TBK1: variants seen among roughly 807,000 people sequenced by gnomAD.
TBK1 encodes serine/threonine-protein kinase TBK1.
A neutral mutation model predicts 99.9 loss-of-function variants in TBK1; 37 were observed. The observed-to-expected ratio is 0.37, with a 90% CI of 0.28 to 0.49. The LOEUF (loss-of-function observed/expected upper bound fraction) is 0.49, where lower values mean the gene tolerates loss of function less well. TBK1 is among the 20% of genes least tolerant of loss of function. TBK1 has a pLI of 0.98. For missense variants in TBK1, 644 were observed against 872.5 expected (o/e 0.74, Z 3.30); for synonymous variants, 258 against 279.8 (o/e 0.92, Z 0.78).
At chr12:64,499,037 C>CTTTTTTTTTTT (rs763709411) in intron 20 of TBK1, among the ~76,000 whole-genome samples, 1 of 79,256 alleles carries the variant, frequency 1.3e-5, no homozygotes, top group Non-Finnish European at 2.2e-5. Flanking sequence ...TAATTTTATT[C>CTTTTTTTTTTT]TTTTTTTTTT....
At chr12:64,456,938 C>T (rs1459479326) in intron 2 of TBK1, among the ~76,000 whole-genome samples, 1 of 151,354 alleles carries the variant, frequency 6.6e-6, no homozygotes, top group Non-Finnish European at 1.5e-5. Context: ...GATAATTAAA[C>T]TTTCTATTCT....
intron 1 of TBK1, chr12:64,452,520 A>G (rs2040438357): frequency 6.6e-6 from 1 of 152,192 alleles, no homozygotes; most frequent in Non-Finnish European, 1.5e-5. Context: ...CATAAAGAGG[A>G]CGACTCCGTT....
chr12:64,492,108 C>T (rs907890377), intron 13 of TBK1, among the ~76,000 whole-genome samples: 4 of 152,138 alleles, frequency 2.6e-5, no homozygotes, highest in African/African-American at 9.7e-5. Context: ...ATATAGGCAG[C>T]CATATTGCTG....
intron 5 of TBK1, among the ~76,000 whole-genome samples, chr12:64,468,855 C>T (rs1007670428): frequency 1.3e-5 from 2 of 152,082 alleles, no homozygotes; most frequent in Non-Finnish European, 2.9e-5. Flanking sequence ...TGTTCTGTGC[C>T]GTTCCCTGGC....
intron 6 of TBK1, among the ~76,000 whole-genome samples, chr12:64,477,297 G>A (rs76333657): frequency 4.6e-5 from 7 of 152,162 alleles, no homozygotes; most frequent in Admixed American, 1.3e-4. Context: ...CAACCCATGC[G>A]CATGGAATGC....
At chr12:64,454,682 T>TTC (rs2040465923) in intron 1 of TBK1, among the ~76,000 whole-genome samples, 1 of 144,100 alleles carries the variant, frequency 6.9e-6, no homozygotes, top group Non-Finnish European at 1.5e-5. Context: ...CTTTTTTTTT[T>TTC]TTTTTTTTTT....
chr12:64,473,052 G>A (rs1292565612), intron 5 of TBK1, among the ~76,000 whole-genome samples: 1 of 152,150 alleles, frequency 6.6e-6, no homozygotes, highest in East Asian at 1.9e-4. Flanking sequence ...GAGGGATAAG[G>A]CAAAGAAATT....
chr12:64,469,076 C>CT (rs1299218662), intron 5 of TBK1, among the ~76,000 whole-genome samples: 29 of 152,032 alleles, frequency 1.9e-4, no homozygotes, highest in African/African-American at 6.8e-4. Context: ...CTCTGGCTGT[C>CT]TGAGTTGTGA....
Position 64,499,110 on chromosome 12 carries a change from C to G in TBK1, c.2138+1071C>G, listed in dbSNP as rs145970722. Among the ~76,000 whole-genome samples the G allele has an allele frequency of 6.4e-3, 793 of 124,622 alleles. 11 individuals are homozygous for G. The highest frequency in any genetic ancestry group is 0.022 in the African/African-American group (724 of 32,996). 81.8% of individuals were successfully genotyped at this position (124,622 alleles called of 152,430 possible). A position where few individuals can be genotyped will look rare whatever the true frequency, so the allele number is the denominator to read the frequency against. ...CCAGGCTGGAGTCCAATGGCGTGATCTCAGCTCACTGTAACCTCTGCCTCC... is the reference window on the plus strand; with the variant it reads ...CCAGGCTGGAGTCCAATGGCGTGATGTCAGCTCACTGTAACCTCTGCCTCC... On this transcript the variant is annotated intron_variant, in intron 20 of 20. Coordinates refer to ENST00000331710, the MANE Select transcript of TBK1 (RefSeq NM_013254.4).
intron 4 of TBK1, among the ~76,000 whole-genome samples, chr12:64,465,242 C>CAAAAAAAAAA (rs57575805): frequency 1.6e-4 from 9 of 57,912 alleles, no homozygotes; most frequent in African/African-American, 2.4e-4. Flanking sequence ...AAGACTATCT[C>CAAAAAAAAAA]AAAAAAAAAA....
At chr12:64,463,292 T>C (rs1359860364) in intron 3 of TBK1, among the ~76,000 whole-genome samples, 6 of 148,666 alleles carry the variant, frequency 4.0e-5, no homozygotes, top group Non-Finnish European at 5.9e-5. Flanking sequence ...GAATGGAGAG[T>C]GGCGTGAACC....
rs976113662 is a variant in TBK1 at position 64,476,028 on chromosome 12, C to CT, written c.701+1646dup. ...TCCACAACCTCACCAGCATCTGTTACTTTTTTTTATTTTTTTATAGCCATT... is the reference window on the plus strand; with the variant it reads ...TCCACAACCTCACCAGCATCTGTTACTTTTTTTTTATTTTTTTATAGCCATT... On this transcript the variant is annotated intron_variant, in intron 6 of 20. Coordinates refer to ENST00000331710, the MANE Select transcript of TBK1 (RefSeq NM_013254.4). Among the ~76,000 whole-genome samples, 15 of 150,856 alleles carry CT rather than the reference C, an allele frequency of 9.9e-5. 1 individual carries two copies. The highest frequency in any genetic ancestry group is 8.9e-5 in the Non-Finnish European group (6 of 67,776).
rs1206925876 is a variant in TBK1 at position 64,490,103 on chromosome 12, A to G, written c.1505A>G (p.His502Arg). The change falls in exon 13 of 21, where the codon CAC becomes CGC. Residue 502 changes from histidine to arginine, a missense_variant. By Grantham distance (29) the His-to-Arg change is conservative (BLOSUM62 0). Coordinates refer to ENST00000331710, the MANE Select transcript of TBK1 (RefSeq NM_013254.4). The part of the protein sequence containing the change: ...AAELGEISDI[H>R]TKLLRLSSSQ... The stretch of plus-strand genomic sequence containing the variant: ...GAGTTAGGTGAAATTTCAGACATAC[A>G]CACCAAATTGTTGAGAGTAAGTGTT... 6.8e-6 allele frequency: 11 copies of G among 1,610,918 alleles called. No homozygotes were observed. Among genetic ancestry groups the G allele is most frequent in the Middle Eastern group, 1.7e-4 (1 of 5,768 alleles).
At chr12:64,489,560 T>G (rs1407835670) in intron 12 of TBK1, among the ~76,000 whole-genome samples, 1 of 151,724 alleles carries the variant, frequency 6.6e-6, no homozygotes, top group South Asian at 2.1e-4. Flanking sequence ...CATCAGGTTT[T>G]TTTGTTTTTT....
intron 13 of TBK1, 188 bp from the exon 14 acceptor site, chr12:64,495,295 T>A: frequency 1.7e-6 from 1 of 590,068 alleles, no homozygotes; most frequent in Middle Eastern, 4.9e-4. Context: ...TGTTTTATTA[T>A]CATACTGTAC....
chr12:64,477,344 C>T (rs192190728), intron 6 of TBK1, among the ~76,000 whole-genome samples: 3 of 152,240 alleles, frequency 2.0e-5, no homozygotes, highest in South Asian at 4.1e-4. Context: ...TTTCTTTCAG[C>T]GGTGTTAGTT....
chr12:64,490,172 T>G, intron 13 of TBK1, 53 bp downstream of exon 13: 5 of 1,322,248 alleles, frequency 3.8e-6, no homozygotes, highest in Non-Finnish European at 5.3e-6. Flanking sequence ...ATTCCTTTGC[T>G]GGCACTATTA....
chr12:64,455,943 C>T lies in TBK1; in HGVS notation c.73C>T (p.Arg25Cys), dbSNP rs749461125. 12 of 1,613,004 alleles carry T rather than the reference C, an allele frequency of 7.4e-6. No homozygotes were observed. Among genetic ancestry groups the T allele is most frequent in the African/African-American group, 4.0e-5 (3 of 74,828 alleles). The change falls in exon 2 of 21, where the codon CGT (arginine) becomes TGT (cysteine). Residue 25 changes from arginine to cysteine, a missense_variant. Physicochemically the swap from Arg to Cys is radical, Grantham distance 180. Coordinates refer to ENST00000331710, the MANE Select transcript of TBK1 (RefSeq NM_013254.4). ...CCAAGGAGCTACTGCAAATGTCTTT[C>T]GTGGAAGACATAAGGTTAGTACAGA... ...LGQGATANVF[R>C]GRHKKTGDLF...
At position 64,481,900 on chromosome 12, in the gene TBK1, A is replaced by G. The variant is rs34774243; in HGVS notation, c.871A>G (p.Lys291Glu). Reference protein sequence around the residue: ...LANILEADQEKCWGFDQFFAE... With the variant: ...LANILEADQEECWGFDQFFAE... ...AAACATCCTTGAAGCAGATCAGGAA[A>G]AGTGTTGGGGTTTTGACCAGTTTTT... The change falls in exon 8 of 21, where the codon AAG (lysine) becomes GAG (glutamate). Residue 291 changes from lysine (K) to glutamate (E), a missense_variant. By Grantham distance (56) the Lys-to-Glu change is moderately conservative. This residue lies in a region of TBK1 where 465 missense variants were observed against 588.0 expected (regional missense o/e 0.79). Coordinates refer to ENST00000331710, the MANE Select transcript of TBK1 (RefSeq NM_013254.4). 1.3e-4 allele frequency: 214 copies of G among 1,610,476 alleles called. No individual in the cohort carries two copies. Among genetic ancestry groups the G allele is most frequent in the Non-Finnish European group, 1.7e-4 (201 of 1,178,536 alleles).
Sources: gnomAD v4.1 joint callset for allele counts (sites outside exome capture counted in the v4.1 genomes callset) on GRCh38, gnomAD v4.1.1 for gene constraint, gnomAD v4.1.1 regional missense constraint, MANE v1.5 for transcripts, NCBI Gene and HGNC (gene_info 2026-07-23, HGNC 2026-07-21) for gene names.